The following CRLF2 variants were observed in gnomAD, a reference collection of about 807,000 sequenced individuals.
CRLF2 encodes the protein cytokine receptor like factor 2, also known as cytokine receptor-like factor 2.
In CRLF2, 41 loss-of-function variants were observed where a neutral mutation model predicts 38.7. The ratio of observed to expected loss-of-function variants is 1.06; its 90% CI spans 0.83 to 1.37. CRLF2 has a LOEUF of 1.37. Among genes scored for constraint, CRLF2 ranks in the 40% most tolerant of loss-of-function variants. CRLF2 has a pLI of 0.00. For synonymous variants in CRLF2, 140 were observed against 128.8 expected (o/e 1.09, Z -0.59); for missense variants, 377 against 322.2 (o/e 1.17, Z -1.30).
chrX:1,210,109 AAAAAAAGAAAAG>A (rs1170311211), intron 1 of CRLF2, among the ~76,000 whole-genome samples: 1 of 90,198 alleles, frequency 1.1e-5, no homozygotes, highest in African/African-American at 5.5e-5. Flanking sequence ...CTATCAAAAA[AAAAAAAGAAAAG>A]AAAAGAAAAG....
chrX:1,192,184 G>A (rs1475224594), intron 7 of CRLF2, among the ~76,000 whole-genome samples: 2,165 of 124,516 alleles, frequency 0.017, 26 homozygotes, highest in Non-Finnish European at 0.028. Context: ...CAGCCTGGGC[G>A]ACAGAGCGAG....
At chrX:1,196,678 G>A in intron 6 of CRLF2, 102 bp downstream of exon 6, 1 of 1,427,226 alleles carries the variant, frequency 7.0e-7, no homozygotes, top group Non-Finnish European at 9.5e-7. Flanking sequence ...GGAAACTGAG[G>A]CCCAGGGAAA....
intron 5 of CRLF2, among the ~76,000 whole-genome samples, chrX:1,197,590 C>T (rs752328578): frequency 6.1e-4 from 93 of 151,912 alleles, no homozygotes; most frequent in African/African-American, 1.7e-3. Flanking sequence ...CCGAGGCGGG[C>T]GGATCACAAG....
chrX:1,203,599 C>A (rs371698457), intron 3 of CRLF2, among the ~76,000 whole-genome samples: 1 of 151,184 alleles, frequency 6.6e-6, no homozygotes, highest in Admixed American at 6.6e-5. Flanking sequence ...GAGGAGAAGG[C>A]CACATGGAGA....
intron 1 of CRLF2, among the ~76,000 whole-genome samples, chrX:1,210,111 A>AAAAAAAGAAAAG (rs1556425587): frequency 4.2e-4 from 45 of 107,854 alleles, no homozygotes; most frequent in Non-Finnish European, 7.5e-4. Flanking sequence ...ATCAAAAAAA[A>AAAAAAAGAAAAG]AAAAGAAAAG....
intron 4 of CRLF2, among the ~76,000 whole-genome samples, chrX:1,201,794 T>C (rs1200548368): frequency 2.1e-5 from 3 of 142,942 alleles, no homozygotes; most frequent in Admixed American, 2.0e-4. Flanking sequence ...AGAATAGAGA[T>C]AATGGGTAGG....
chrX:1,195,123 G>A (rs1299970045), intron 6 of CRLF2, among the ~76,000 whole-genome samples: 1 of 151,896 alleles, frequency 6.6e-6, no homozygotes, highest in Non-Finnish European at 1.5e-5. Context: ...AACTCGGGAG[G>A]CAGAGGTTGC....
intron 7 of CRLF2, among the ~76,000 whole-genome samples, chrX:1,192,214 A>AAAC (rs2086396658): frequency 1.5e-5 from 2 of 137,622 alleles, no homozygotes; most frequent in African/African-American, 2.6e-5. Flanking sequence ...CAAAAAAAAA[A>AAAC]AAAAAACAAA....
At chrX:1,204,643 C>G (rs1429035169) in intron 3 of CRLF2, among the ~76,000 whole-genome samples, 3 of 150,850 alleles carry the variant, frequency 2.0e-5, no homozygotes, top group Admixed American at 6.6e-5. Context: ...GCCTCAGCCT[C>G]CCGAGTAGCT....
At chrX:1,203,183 T>C (rs2086639142) in intron 3 of CRLF2, among the ~76,000 whole-genome samples, 2 of 149,434 alleles carry the variant, frequency 1.3e-5, no homozygotes, top group Non-Finnish European at 3.0e-5. Context: ...GATGAGGTCA[T>C]ACTGGAGAAG....
chrX:1,193,330 G>T lies in CRLF2; in HGVS notation c.768-28C>A, dbSNP rs1265311374. 1.0e-5 allele frequency: 4 copies of T among 398,568 alleles called. No homozygotes were observed. The South Asian group carries it at 5.1e-4, about 51-fold the overall frequency. The allele number at this position is 398,568 out of a possible 1,614,324, so 24.7% of individuals were successfully genotyped here. A position where few individuals can be genotyped will look rare whatever the true frequency, so the allele number is the denominator to read the frequency against. On this transcript the variant is annotated intron_variant, in intron 6 of 7. Transcript: ENST00000400841. ...GAAATAGAGACGGAGAGCGTGGTCA[G>T]GTCGGCCACAGCCCCGCAGGAAGGG...
At chrX:1,201,389 G>T (rs1297221112) in intron 4 of CRLF2, among the ~76,000 whole-genome samples, 1 of 150,062 alleles carries the variant, frequency 6.7e-6, no homozygotes, top group Non-Finnish European at 1.5e-5. Flanking sequence ...TACAGGTAGA[G>T]ATAGGACTAG....
intron 3 of CRLF2, among the ~76,000 whole-genome samples, chrX:1,203,719 G>A (rs1429316408): frequency 1.3e-5 from 2 of 152,132 alleles, no homozygotes; most frequent in Non-Finnish European, 2.9e-5. Flanking sequence ...AGGGAATGCG[G>A]CTCTCAGAAA....
chrX:1,201,315 T>G (rs2086601058), intron 4 of CRLF2, among the ~76,000 whole-genome samples: 1 of 144,190 alleles, frequency 6.9e-6, no homozygotes, highest in South Asian at 2.4e-4. Context: ...TGTCTGTGTG[T>G]GCCTGTGTGC....
chrX:1,202,816 C>T (rs1429798758), intron 3 of CRLF2, among the ~76,000 whole-genome samples: 4 of 151,876 alleles, frequency 2.6e-5, no homozygotes, highest in Non-Finnish European at 5.9e-5. Context: ...TGTTAAAATC[C>T]CAACTCCCCA....
At position 1,212,641 on chromosome X, in the gene CRLF2, A is replaced by C. The variant is rs1365567596; in HGVS notation, c.-7T>G. 6.2e-7 allele frequency: 1 copy of C among 1,602,982 alleles called. No homozygotes were observed. The highest frequency in any genetic ancestry group is 8.5e-7 in the Non-Finnish European group (1 of 1,170,396). The stretch of plus-strand genomic sequence containing the variant: ...GCAGAACCAGCCGCCCCATGCCTGA[A>C]ACAGGAGTGGAGAGTGAGGTCCTCA... On this transcript the variant is annotated 5_prime_UTR_variant, in exon 1 of 8. Transcript: ENST00000400841.
intron 1 of CRLF2, among the ~76,000 whole-genome samples, chrX:1,209,621 G>A (rs182580837): frequency 7.2e-5 from 11 of 152,192 alleles, no homozygotes; most frequent in Admixed American, 2.6e-4. Flanking sequence ...GTGAGCCACC[G>A]CGCCCGGCTG....
intron 1 of CRLF2, among the ~76,000 whole-genome samples, chrX:1,210,588 GC>G (rs2086780254): frequency 1.3e-5 from 2 of 152,166 alleles, no homozygotes; most frequent in Admixed American, 6.6e-5. Context: ...GGGATTACAG[GC>G]ATGAGCCACA....
At chrX:1,200,255 A>G (rs2086578074) in intron 4 of CRLF2, among the ~76,000 whole-genome samples, 1 of 151,494 alleles carries the variant, frequency 6.6e-6, no homozygotes, top group Non-Finnish European at 1.5e-5. Flanking sequence ...TGTGTATATA[A>G]GCTGTGTATA....
Sources: allele counts gnomAD v4.1 joint callset (sites outside exome capture counted in the v4.1 genomes callset), GRCh38; gene constraint gnomAD v4.1.1; transcripts MANE v1.5; gene names NCBI Gene and HGNC (gene_info 2026-07-23, HGNC 2026-07-21).